RORA: variants seen among roughly 807,000 people sequenced by gnomAD.
RORA encodes RAR related orphan receptor A.
In RORA, 7 loss-of-function variants were observed where a neutral mutation model predicts 69.5. The observed-to-expected ratio is 0.10, with a 90% CI of 0.06 to 0.19. The LOEUF (loss-of-function observed/expected upper bound fraction) is 0.19. Ranked by LOEUF, RORA falls within the 10% of genes least tolerant of loss-of-function variation. The probability of loss-of-function intolerance (pLI) is 1.00; values close to 1 mark genes in which losing one functional copy is unlikely to be tolerated. For missense variants in RORA, 457 were observed against 663.0 expected, an observed-to-expected ratio of 0.69 and a Z score of 3.41; for synonymous variants, 261 against 240.8, an observed-to-expected ratio of 1.08 and a Z score of -0.78.
At chr15:61,063,435 T>G (rs777040675) in intron 1 of RORA, among the ~76,000 whole-genome samples, 1 of 152,280 alleles carries the variant, frequency 6.6e-6, no homozygotes, top group Non-Finnish European at 1.5e-5. Context: ...AAGCATTTTA[T>G]CTTTCATTAT....
At chr15:61,190,760 G>T (rs2079790944) in intron 1 of RORA, among the ~76,000 whole-genome samples, 1 of 151,780 alleles carries the variant, frequency 6.6e-6, no homozygotes, top group Non-Finnish European at 1.5e-5. Flanking sequence ...AAAAAGAAAA[G>T]AAAAGAAAAA....
chr15:61,109,865 G>T (rs1186367955), intron 1 of RORA, among the ~76,000 whole-genome samples: 1 of 152,100 alleles, frequency 6.6e-6, no homozygotes, highest in Non-Finnish European at 1.5e-5. Context: ...AGTGCCTATG[G>T]CATTCTAAGT....
At chr15:60,586,440 A>G (rs2068336793) in intron 2 of RORA, among the ~76,000 whole-genome samples, 1 of 151,882 alleles carries the variant, frequency 6.6e-6, no homozygotes, top group African/African-American at 2.4e-5. Flanking sequence ...GACAGCAGAT[A>G]TTACGTATTA....
chr15:60,615,759 T>G (rs2069225180), intron 2 of RORA, among the ~76,000 whole-genome samples: 1 of 152,212 alleles, frequency 6.6e-6, no homozygotes, highest in Admixed American at 6.5e-5. Context: ...AACCAGTTCT[T>G]CAGATGACAA....
chr15:60,908,242 T>C (rs1236730633), intron 1 of RORA, among the ~76,000 whole-genome samples: 1 of 152,202 alleles, frequency 6.6e-6, no homozygotes, highest in African/African-American at 2.4e-5. Flanking sequence ...CCGTAGGGTG[T>C]GTGTGGAGGG....
At chr15:61,050,773 T>C (rs1202462490) in intron 1 of RORA, among the ~76,000 whole-genome samples, 1 of 152,218 alleles carries the variant, frequency 6.6e-6, no homozygotes, top group African/African-American at 2.4e-5. Context: ...TCCCAGTTGC[T>C]TTCCATGAAG....
rs1555406931 is a variant in RORA at position 61,061,396 on chromosome 15, A to ATACATAC, written c.166+167656_166+167657insGTATGTA. ...AAATAAATAAATAAATAAATAAATA[A>ATACATAC]ATACAAGGGCATCGCAGGAAGTCCT... On this transcript the variant is annotated intron_variant, in intron 1 of 10. Coordinates refer to ENST00000335670, the MANE Select transcript of RORA (RefSeq NM_134261.3). This position sits in a 1 kb window ranked among gnomAD's most constrained non-coding sequence, Gnocchi z 4.4. Among the ~76,000 whole-genome samples, 509 of 150,050 alleles carry ATACATAC rather than the reference A, an allele frequency of 3.4e-3. 5 individuals carry two copies. Among genetic ancestry groups the ATACATAC allele is most frequent in the African/African-American group, 0.01 (408 of 40,610 alleles).
At chr15:60,669,422 A>G (rs1384268104) in intron 2 of RORA, among the ~76,000 whole-genome samples, 1 of 152,098 alleles carries the variant, frequency 6.6e-6, no homozygotes, top group Non-Finnish European at 1.5e-5. Context: ...AGTTCTAACT[A>G]AGGATAAAAA....
At chr15:61,099,916 G>A (rs2078852212) in intron 1 of RORA, among the ~76,000 whole-genome samples, 1 of 152,130 alleles carries the variant, frequency 6.6e-6, no homozygotes, top group African/African-American at 2.4e-5. Context: ...AGTTAGTGAA[G>A]ACAGTTCTAA....
intron 1 of RORA, among the ~76,000 whole-genome samples, chr15:60,891,542 C>T (rs557880584): frequency 2.2e-4 from 33 of 152,098 alleles, no homozygotes; most frequent in Non-Finnish European, 4.0e-4. Context: ...AAAAGTCAAA[C>T]GGGCAGCAAG....
intron 1 of RORA, among the ~76,000 whole-genome samples, chr15:61,185,399 C>T (rs564365338): frequency 9.5e-6 from 1 of 105,058 alleles, no homozygotes; most frequent in South Asian, 2.9e-4. Flanking sequence ...TATACGGCTA[C>T]TCAAGTATAA....
intron 5 of RORA, among the ~76,000 whole-genome samples, chr15:60,506,435 C>G (rs1375717535): frequency 6.6e-6 from 1 of 152,144 alleles, no homozygotes. Context: ...GAAGTTTTCT[C>G]TAGGAGCTTG....
chr15:60,682,365 T>G (rs1021631091), intron 1 of RORA: 3 of 152,226 alleles, frequency 2.0e-5, no homozygotes, highest in Non-Finnish European at 4.4e-5. Context: ...TCAGACCAAG[T>G]ACTCTGACTA....
At chr15:60,879,538 A>C (rs571108337) in intron 1 of RORA, among the ~76,000 whole-genome samples, 1 of 152,348 alleles carries the variant, frequency 6.6e-6, no homozygotes, top group Non-Finnish European at 1.5e-5. Flanking sequence ...CATCTAATTA[A>C]ATGCAACCTG....
intron 2 of RORA, among the ~76,000 whole-genome samples, chr15:60,625,548 A>T (rs1299484802): frequency 6.6e-6 from 1 of 152,262 alleles, no homozygotes; most frequent in Non-Finnish European, 1.5e-5. Flanking sequence ...AAAGCCTGAA[A>T]ACAAATTAAA....
chr15:61,080,977 G>T lies in RORA; in HGVS notation c.166+148076C>A, dbSNP rs537771968. On this transcript the variant is annotated intron_variant, in intron 1 of 10. Transcript: ENST00000335670. ...AACTTGTCATTTGACTCACTGTCTG[G>T]CCGGTGCCTCTCCCTCTGGGTCCAG... Among the ~76,000 whole-genome samples the T allele has an allele frequency of 8.5e-5, 13 of 152,290 alleles. No individual in the cohort carries two copies. The East Asian group carries it at 2.3e-3, about 27-fold the overall frequency.
chr15:61,106,464 A>G (rs904953315), intron 1 of RORA, among the ~76,000 whole-genome samples: 2 of 152,178 alleles, frequency 1.3e-5, no homozygotes, highest in African/African-American at 2.4e-5. Flanking sequence ...CTAAAACACA[A>G]CCAGCTTTTT....
At chr15:60,863,236 T>C (rs2073451545) in intron 1 of RORA, among the ~76,000 whole-genome samples, 1 of 152,234 alleles carries the variant, frequency 6.6e-6, no homozygotes, top group Non-Finnish European at 1.5e-5. Flanking sequence ...GCTTGCACAT[T>C]AGTGTTCTGA....
intron 1 of RORA, among the ~76,000 whole-genome samples, chr15:60,978,087 C>G (rs937177792): frequency 1.3e-5 from 2 of 152,090 alleles, no homozygotes; most frequent in African/African-American, 4.8e-5. Flanking sequence ...ACAATGATTA[C>G]GAGTTCTAAT....
Sources: gnomAD v4.1 joint callset for allele counts (sites outside exome capture counted in the v4.1 genomes callset) on GRCh38, gnomAD v4.1.1 for gene constraint, Gnocchi (gnomAD v3.1) non-coding constraint, MANE v1.5 for transcripts, NCBI Gene and HGNC (gene_info 2026-07-23, HGNC 2026-07-21) for gene names.